MAK16: variants seen among roughly 807,000 people sequenced by gnomAD.
The protein encoded by MAK16 is protein MAK16 homolog.
Under a neutral mutation model 49.9 loss-of-function variants are expected in MAK16, and 12 were observed. The observed-to-expected ratio is 0.24, with a 90% CI of 0.15 to 0.39. The LOEUF (loss-of-function observed/expected upper bound fraction) is 0.39, where lower values mean the gene tolerates loss of function less well. MAK16 is among the 10% of genes least tolerant of loss of function. MAK16 has a pLI of 1.00. For synonymous variants in MAK16, 115 were observed against 126.4 expected, an observed-to-expected ratio of 0.91 and a Z score of 0.60; for missense variants, 292 against 363.7, an observed-to-expected ratio of 0.80 and a Z score of 1.60.
intron 1 of MAK16, among the ~76,000 whole-genome samples, chr8:33,488,077 C>T (rs541827882): frequency 6.6e-6 from 1 of 152,086 alleles, no homozygotes; most frequent in East Asian, 1.9e-4. Context: ...TACAGGCATG[C>T]GCCACCATGC....
chr8:33,500,249 C>G lies in MAK16; in HGVS notation c.*1620C>G, dbSNP rs1320602635. The G allele has an allele frequency of 1.3e-6, 2 of 1,558,604 alleles. No homozygotes were observed. The highest frequency in any genetic ancestry group is 4.5e-5 in the East Asian group (2 of 44,466). On this transcript the variant is annotated 3_prime_UTR_variant, in exon 10 of 10. Transcript: ENST00000360128. ...ATTTCCAGACTTGGTCAGGCACATA[C>G]ATAGTAAATTATAATCAATCATGGG...
chr8:33,490,733 C>T (rs1277316701), intron 6 of MAK16, among the ~76,000 whole-genome samples: 1 of 152,134 alleles, frequency 6.6e-6, no homozygotes, highest in Non-Finnish European at 1.5e-5. Context: ...TGAGTAATAA[C>T]ATCATGGAAA....
chr8:33,498,381 G>A, intron 9 of MAK16, 51 bp from the exon 10 acceptor site: 1 of 1,546,696 alleles, frequency 6.5e-7, no homozygotes, highest in Non-Finnish European at 8.9e-7. Flanking sequence ...AGGGAGTTTG[G>A]AGAAATCTAG....
Position 33,501,259 on chromosome 8 carries a change from C to T in MAK16, c.*2630C>T, listed in dbSNP as rs1809068115. ...ATGTACAATAAATCATATTTATGGACAGATGCGTGACTGGGAGAAAAAAGT... is the reference window on the plus strand; with the variant it reads ...ATGTACAATAAATCATATTTATGGATAGATGCGTGACTGGGAGAAAAAAGT... On this transcript the variant is annotated 3_prime_UTR_variant, in exon 10 of 10. Transcript: ENST00000360128. 6.6e-6 allele frequency: 1 copy of T among 152,178 alleles called. No homozygotes were observed. Among genetic ancestry groups the T allele is most frequent in the Non-Finnish European group, 1.5e-5 (1 of 68,044 alleles). The allele number at this position is 152,178 out of a possible 1,614,324, so 9.4% of individuals were successfully genotyped here. A position where few individuals can be genotyped will look rare whatever the true frequency, so the allele number is the denominator to read the frequency against.
Position 33,488,436 on chromosome 8 carries a change from C to T in MAK16, c.65+9C>T. ...TGTTCCTTCAAAATAAGGTGAGTCT[C>T]AATTTACAACTTGGTCAAAGATTCC... On this transcript the variant is annotated intron_variant, in intron 2 of 9. Transcript: ENST00000360128. 6.2e-7 allele frequency: 1 copy of T among 1,614,148 alleles called. No individual in the cohort carries two copies. The highest frequency in any genetic ancestry group is 1.1e-5 in the South Asian group (1 of 91,084).
chr8:33,500,754 A>G lies in MAK16; in HGVS notation c.*2125A>G. The G allele has an allele frequency of 5.1e-6, 2 of 390,316 alleles. No homozygotes were observed. The highest frequency in any genetic ancestry group is 2.7e-5 in the South Asian group (1 of 37,224). 24.2% of individuals were successfully genotyped at this position (390,316 alleles called of 1,614,324 possible). ...CCTTCCAGAAGCTTGGTTCTACTGT[A>G]AGCAACAGCTCCTTCATGGGCTGAG... On this transcript the variant is annotated 3_prime_UTR_variant, in exon 10 of 10. Transcript: ENST00000360128.
chr8:33,488,875 C>T (rs900860296), intron 4 of MAK16, 77 bp downstream of exon 4: 6 of 1,598,050 alleles, frequency 3.8e-6, no homozygotes, highest in Non-Finnish European at 5.1e-6. Flanking sequence ...ATGCCCAATT[C>T]CATGACCATT....
At position 33,488,751 on chromosome 8, in the gene MAK16, A is replaced by G. The variant is rs530038432; in HGVS notation, c.193A>G (p.Met65Val). The change falls in exon 4 of 10, where the codon ATG becomes GTG. Residue 65 changes from methionine to valine, a missense_variant. Physicochemically the swap from Met to Val is conservative, Grantham distance 21. Coordinates refer to ENST00000360128, the MANE Select transcript of MAK16 (RefSeq NM_032509.4). ...KEEKGQCYLY[M>V]KVIERAAFPR... The stretch of plus-strand genomic sequence containing the variant: ...ATCTTCAGGACAGTGCTACTTGTAT[A>G]TGAAGGTTATAGAACGAGCGGCTTT... 10 of 1,614,212 alleles carry G rather than the reference A, an allele frequency of 6.2e-6. No homozygotes were observed. The South Asian group carries it at 6.6e-5, about 11-fold the overall frequency.
intron 1 of MAK16, among the ~76,000 whole-genome samples, chr8:33,486,501 A>G (rs34585419): frequency 0.53 from 80,222 of 152,136 alleles, 21,626 homozygotes; most frequent in Non-Finnish European, 0.59. Flanking sequence ...GCAGTGAGCT[A>G]TGATGGCACC....
At chr8:33,490,453 T>C in intron 6 of MAK16, 114 bp downstream of exon 6, 4 of 700,498 alleles carry the variant, frequency 5.7e-6, no homozygotes, top group South Asian at 1.9e-5. Context: ...GGTTCACTAA[T>C]AGATAACTAT....
At chr8:33,490,836 G>A (rs1808765754) in intron 6 of MAK16, among the ~76,000 whole-genome samples, 1 of 152,094 alleles carries the variant, frequency 6.6e-6, no homozygotes, top group Non-Finnish European at 1.5e-5. Context: ...TTAAATAATT[G>A]ACTATAGTCA....
chr8:33,494,767 T>C (rs922091137), intron 6 of MAK16, among the ~76,000 whole-genome samples: 2 of 152,048 alleles, frequency 1.3e-5, no homozygotes, highest in African/African-American at 4.8e-5. Flanking sequence ...GAGAACAACA[T>C]GGAACATCGC....
At chr8:33,486,281 A>G (rs1024183765) in intron 1 of MAK16, among the ~76,000 whole-genome samples, 2 of 152,210 alleles carry the variant, frequency 1.3e-5, no homozygotes, top group Non-Finnish European at 2.9e-5. Context: ...AGCCAGACAC[A>G]GTGGCTCATG....
At position 33,500,090 on chromosome 8, in the gene MAK16, C is replaced by T; in HGVS notation, c.*1461C>T. ...TTGCCCATACTGTCTCGTCCTTAGCCCCAGTGACATGTGCTGATCCTCCTG... is the reference window on the plus strand; with the variant it reads ...TTGCCCATACTGTCTCGTCCTTAGCTCCAGTGACATGTGCTGATCCTCCTG... On this transcript the variant is annotated 3_prime_UTR_variant, in exon 10 of 10. Coordinates refer to ENST00000360128, the MANE Select transcript of MAK16 (RefSeq NM_032509.4). The T allele has an allele frequency of 2.1e-6, 1 of 466,782 alleles. No homozygotes were observed. The highest frequency in any genetic ancestry group is 2.6e-5 in the South Asian group (1 of 39,114). The allele number at this position is 466,782 out of a possible 1,614,324, so 28.9% of individuals were successfully genotyped here. A position where few individuals can be genotyped will look rare whatever the true frequency, so the allele number is the denominator to read the frequency against.
Position 33,496,708 on chromosome 8 carries a change from T to G in MAK16, c.606T>G (p.Thr202=), listed in dbSNP as rs368183051. 1 of 1,612,260 alleles carries G rather than the reference T, an allele frequency of 6.2e-7. No individual in the cohort carries two copies. The highest frequency in any genetic ancestry group is 8.5e-7 in the Non-Finnish European group (1 of 1,179,422). ...QQEAESDSSD[T]EEKDDDDDDE... is the part of the protein sequence containing the mutation. ...AGGCAGAGAGTGACTCTTCAGATAC[T>G]GAGGAAAAAGATGATGATGATGATG... is the stretch of plus-strand genomic sequence containing the variant. The change falls in exon 8 of 10, where the codon ACT becomes ACG. Residue 202 remains threonine, a synonymous_variant. Transcript: ENST00000360128.
Position 33,498,417 on chromosome 8 carries a change from C to T in MAK16, c.706-15C>T, listed in dbSNP as rs1172374909. The T allele has an allele frequency of 2.5e-6, 4 of 1,610,554 alleles. No individual in the cohort carries two copies. Among genetic ancestry groups the T allele is most frequent in the Middle Eastern group, 1.7e-4 (1 of 6,044 alleles). ...TGTTTTCCCTCTTCCTTTATCTTTT[C>T]TCTCCCCGTAATAGGATATGGATAA... On this transcript the variant is annotated splice_polypyrimidine_tract_variant and intron_variant, in intron 9 of 9. Transcript: ENST00000360128.
In MAK16 at chr8:33,490,354, A is replaced by G; in HGVS notation, c.447+15A>G. 1.2e-6 allele frequency: 2 copies of G among 1,605,658 alleles called. No individual in the cohort carries two copies. Among genetic ancestry groups the G allele is most frequent in the Non-Finnish European group, 1.7e-6 (2 of 1,172,724 alleles). On this transcript the variant is annotated intron_variant, in intron 6 of 9. Coordinates refer to ENST00000360128, the MANE Select transcript of MAK16 (RefSeq NM_032509.4). ...AAAGAAGAGAGGTAACTTATTGTTGAGATATTCATACCTTCTACATTTTCT... is the reference window on the plus strand; with the variant it reads ...AAAGAAGAGAGGTAACTTATTGTTGGGATATTCATACCTTCTACATTTTCT...
intron 1 of MAK16, among the ~76,000 whole-genome samples, chr8:33,487,532 T>A (rs1233887889): frequency 6.6e-6 from 1 of 151,994 alleles, no homozygotes; most frequent in Admixed American, 6.6e-5. Context: ...TTCAAGCGAT[T>A]CTCCTGCCTC....
chr8:33,486,545 A>G (rs962098196), intron 1 of MAK16, among the ~76,000 whole-genome samples: 18 of 152,214 alleles, frequency 1.2e-4, no homozygotes, highest in Non-Finnish European at 2.5e-4. Context: ...GAGAGACCCT[A>G]TCTCTAAAGT....
Sources: gnomAD v4.1 joint callset for allele counts (sites outside exome capture counted in the v4.1 genomes callset) on GRCh38, gnomAD v4.1.1 for gene constraint, MANE v1.5 for transcripts, NCBI Gene and HGNC (gene_info 2026-07-23, HGNC 2026-07-21) for gene names.